RTCA: variants seen among roughly 807,000 people sequenced by gnomAD.
The protein encoded by RTCA is RNA 3'-terminal phosphate cyclase, also known as RNA terminal phosphate cyclase domain 1.
Under a neutral mutation model 46.1 loss-of-function variants are expected in RTCA, and 37 were observed. That is an observed-to-expected ratio of 0.80 (90% CI 0.62 to 1.06). The LOEUF (loss-of-function observed/expected upper bound fraction) is 1.06, where lower values mean the gene tolerates loss of function less well. RTCA is among the 50% of genes least tolerant of loss of function. The pLI, the probability that RTCA is intolerant of heterozygous loss-of-function variation, is 0.00. For synonymous variants in RTCA, 164 were observed against 158.3 expected, an observed-to-expected ratio of 1.04 and a Z score of -0.27; for missense variants, 435 against 455.5, an observed-to-expected ratio of 0.95 and a Z score of 0.41.
chr1:100,273,423 T>C lies in RTCA; in HGVS notation c.444T>C (p.Gly148=), dbSNP rs1402431644. Residue 148 remains glycine (G), a synonymous_variant, in exon 5 of 11, where the codon GGT becomes GGC. Coordinates refer to ENST00000370128, the MANE Select transcript of RTCA (RefSeq NM_003729.4). The part of the protein sequence containing the change: ...MVFKPIVEKF[G]FIFNCDIKTR... Reference sequence around the variant, plus strand: ...TCAAGCCAATTGTTGAAAAATTTGGTTTCATATTTAATTGTGACATTAAAA... The same window carrying C: ...TCAAGCCAATTGTTGAAAAATTTGGCTTCATATTTAATTGTGACATTAAAA... The C allele has an allele frequency of 6.3e-7, 1 of 1,587,112 alleles. No homozygotes were observed. The highest frequency in any genetic ancestry group is 2.3e-5 in the East Asian group (1 of 44,420).
At chr1:100,282,913 C>T (rs1249988574) in intron 8 of RTCA, among the ~76,000 whole-genome samples, 1 of 152,100 alleles carries the variant, frequency 6.6e-6, no homozygotes, top group East Asian at 1.9e-4. Flanking sequence ...CTCTAGAGAG[C>T]TTCCCACCAC....
At chr1:100,277,524 G>A (rs1323343958) in intron 8 of RTCA, among the ~76,000 whole-genome samples, 1 of 152,134 alleles carries the variant, frequency 6.6e-6, no homozygotes, top group South Asian at 2.1e-4. Flanking sequence ...AAAGTTGAAT[G>A]ACTAGTTCAA....
intron 10 of RTCA, among the ~76,000 whole-genome samples, chr1:100,290,625 G>C (rs1017426046): frequency 6.6e-6 from 1 of 152,084 alleles, no homozygotes; most frequent in Non-Finnish European, 1.5e-5. Context: ...AATTAGCCAG[G>C]CATGGTGGCA....
rs1666332088 is a variant in RTCA, at chr1:100,275,698, G to C, written c.715G>C (p.Ala239Pro). ...IQPVQEPKDQ[A>P]FGNGNGIIII... is the part of the protein sequence containing the mutation. Reference sequence around the variant, plus strand: ...GCCTGTTCAAGAACCTAAAGACCAAGCATTTGGCAATGGAAATGGAATAAT... The same window carrying C: ...GCCTGTTCAAGAACCTAAAGACCAACCATTTGGCAATGGAAATGGAATAAT... Residue 239 changes from alanine to proline, a missense_variant, in exon 7 of 11, where the codon GCA becomes CCA. Coordinates refer to ENST00000370128, the MANE Select transcript of RTCA (RefSeq NM_003729.4). 1 of 1,610,550 alleles carries C rather than the reference G, an allele frequency of 6.2e-7. No homozygotes were observed. The highest frequency in any genetic ancestry group is 1.3e-5 in the African/African-American group (1 of 74,918).
chr1:100,266,893 C>G (rs1665812128), intron 2 of RTCA: 1 of 505,366 alleles, frequency 2.0e-6, no homozygotes, highest in African/African-American at 1.9e-5. Flanking sequence ...AAAATGTTTT[C>G]TCACCTCACC....
intron 3 of RTCA, 58 bp from the exon 4 acceptor site, chr1:100,270,499 T>C: frequency 6.3e-7 from 1 of 1,594,192 alleles, no homozygotes; most frequent in Non-Finnish European, 8.5e-7. Context: ...TATTTAAGAG[T>C]TTGAAAAGAA....
At chr1:100,290,549 T>A (rs1374709571) in intron 10 of RTCA, among the ~76,000 whole-genome samples, 1 of 152,172 alleles carries the variant, frequency 6.6e-6, no homozygotes, top group Non-Finnish European at 1.5e-5. Context: ...CGCAGGAGGA[T>A]CACTTCAGCC....
chr1:100,282,139 G>A (rs1017404601), intron 8 of RTCA, among the ~76,000 whole-genome samples: 2 of 152,314 alleles, frequency 1.3e-5, no homozygotes, highest in Admixed American at 6.5e-5. Context: ...CTTTTGGTGT[G>A]TATAATACTA....
At chr1:100,269,293 G>C (rs1200100849) in intron 3 of RTCA, among the ~76,000 whole-genome samples, 1 of 151,420 alleles carries the variant, frequency 6.6e-6, no homozygotes, top group Non-Finnish European at 1.5e-5. Flanking sequence ...TTGACTATAA[G>C]GACCAAACAG....
chr1:100,289,300 T>G lies in RTCA; in HGVS notation c.999+2097T>G, dbSNP rs184953020. Among the ~76,000 whole-genome samples the G allele has an allele frequency of 2.4e-3, 360 of 151,504 alleles. 3 individuals carry two copies. The highest frequency in any genetic ancestry group is 8.4e-3 in the African/African-American group (349 of 41,380). On this transcript the variant is annotated intron_variant, in intron 10 of 10. Transcript: ENST00000370128. ...TGCACCACCACACCCTGCTAATTTT[T>G]TTTTTGTTTTTGTTTTTGTTTTTTG... is the stretch of plus-strand genomic sequence containing the variant.
intron 8 of RTCA, among the ~76,000 whole-genome samples, chr1:100,283,501 CCTT>C (rs758552754): frequency 3.3e-5 from 5 of 152,064 alleles, no homozygotes; most frequent in Non-Finnish European, 7.4e-5. Flanking sequence ...AAATCTGAAA[CCTT>C]CTAGTCCCAA....
intron 5 of RTCA, among the ~76,000 whole-genome samples, chr1:100,274,376 T>C (rs1389747295): frequency 6.6e-6 from 1 of 152,266 alleles, no homozygotes; most frequent in Non-Finnish European, 1.5e-5. Context: ...GGACCTACCA[T>C]GTGCCAGACA....
At chr1:100,270,767 T>C in intron 4 of RTCA, 87 bp downstream of exon 4, 1 of 1,466,594 alleles carries the variant, frequency 6.8e-7, no homozygotes, top group Non-Finnish European at 9.2e-7. Flanking sequence ...AGTGTTTTTT[T>C]GTGACTTTCT....
At chr1:100,270,966 T>G (rs542550472) in intron 4 of RTCA, among the ~76,000 whole-genome samples, 2 of 151,856 alleles carry the variant, frequency 1.3e-5, no homozygotes, top group African/African-American at 2.4e-5. Flanking sequence ...CCAATTTTTT[T>G]AAATTTTTTG....
Position 100,287,079 on chromosome 1 carries a change from C to T in RTCA, c.895-20C>T. On this transcript the variant is annotated intron_variant, in intron 9 of 10. Coordinates refer to ENST00000370128, the MANE Select transcript of RTCA (RefSeq NM_003729.4). Reference sequence around the variant, plus strand: ...ATATTAATAAATGTGTGAGGTTTTTCTTTGTTCTTTTTTAAATAGCTGATT... The same window carrying T: ...ATATTAATAAATGTGTGAGGTTTTTTTTTGTTCTTTTTTAAATAGCTGATT... 1 of 1,496,644 alleles carries T rather than the reference C, an allele frequency of 6.7e-7. No individual in the cohort carries two copies. The highest frequency in any genetic ancestry group is 9.0e-7 in the Non-Finnish European group (1 of 1,115,910). 92.7% of individuals were successfully genotyped at this position (1,496,644 alleles called of 1,614,324 possible). A position where few individuals can be genotyped will look rare whatever the true frequency, so the allele number is the denominator to read the frequency against.
In RTCA at chr1:100,268,268, TCCACACAG is replaced by T; in HGVS notation, c.265_272del (p.His89ArgfsTer35). On this transcript the variant is annotated frameshift_variant, in exon 3 of 11. Coordinates refer to ENST00000370128, the MANE Select transcript of RTCA (RefSeq NM_003729.4). LOFTEE classifies it high-confidence loss of function. Reference sequence around the variant, plus strand: ...ACACCAGAGAAGATCAAAGGTGGAATCCACACAGCAGATACCAAGACAGCAGGGTATGT... The same window carrying T: ...ACACCAGAGAAGATCAAAGGTGGAATCAGATACCAAGACAGCAGGGTATGT... 3 of 1,613,848 alleles carry T rather than the reference TCCACACAG, an allele frequency of 1.9e-6. No individual in the cohort carries two copies. Among genetic ancestry groups the T allele is most frequent in the Non-Finnish European group, 2.5e-6 (3 of 1,179,878 alleles).
At chr1:100,275,036 T>C (rs1446669798) in intron 6 of RTCA, 71 bp downstream of exon 6, 2 of 1,397,836 alleles carry the variant, frequency 1.4e-6, no homozygotes, top group African/African-American at 2.9e-5. Context: ...AACTAAATTT[T>C]GAAATTATTG....
intron 9 of RTCA, among the ~76,000 whole-genome samples, chr1:100,286,318 G>A (rs766496132): frequency 1.5e-4 from 23 of 152,066 alleles, no homozygotes; most frequent in Non-Finnish European, 2.4e-4. Context: ...GCCGGGCGTG[G>A]TGGCGGGTGC....
intron 9 of RTCA, among the ~76,000 whole-genome samples, chr1:100,285,682 G>T (rs1244854800): frequency 6.6e-6 from 1 of 151,374 alleles, no homozygotes; most frequent in African/African-American, 2.4e-5. Flanking sequence ...ACAGAGTCTT[G>T]CTATGTTGCC....
Sources: gnomAD v4.1 joint callset for allele counts (sites outside exome capture counted in the v4.1 genomes callset) on GRCh38, gnomAD v4.1.1 for gene constraint, MANE v1.5 for transcripts, NCBI Gene and HGNC (gene_info 2026-07-23, HGNC 2026-07-21) for gene names.